The following SERPINE3 variants were observed in gnomAD, a reference collection of about 807,000 sequenced individuals.
SERPINE3 encodes serpin E3.
In SERPINE3, 43 loss-of-function variants were observed where a neutral mutation model predicts 41.7. That is an observed-to-expected ratio of 1.03 (90% confidence interval 0.81 to 1.33). SERPINE3 has a LOEUF of 1.33. SERPINE3 is among the 40% of genes most tolerant of loss of function. SERPINE3 has a pLI of 0.00. For synonymous variants in SERPINE3, 200 were observed against 192.2 expected (o/e 1.04, Z -0.34); for missense variants, 440 against 491.7 (o/e 0.89, Z 0.99).
chr13:51,344,550 A>T, intron 4 of SERPINE3, 65 bp downstream of exon 4: 1 of 1,328,680 alleles, frequency 7.5e-7, no homozygotes, highest in Non-Finnish European at 1.1e-6. Context: ...AGTCTCACCC[A>T]TCACTTGTCA....
intron 5 of SERPINE3, 99 bp downstream of exon 5, chr13:51,347,333 G>A (rs1238494435): frequency 1.9e-5 from 20 of 1,035,178 alleles, no homozygotes; most frequent in African/African-American, 4.8e-5. Context: ...GGATCGGGAT[G>A]TGTTTCCGCA....
At chr13:51,357,303 T>C (rs1955495150) in intron 7 of SERPINE3, among the ~76,000 whole-genome samples, 1 of 152,224 alleles carries the variant, frequency 6.6e-6, no homozygotes. Context: ...AATAGTTTCC[T>C]CATTCCTAAA....
chr13:51,341,033 C>T (rs1396573662), intron 2 of SERPINE3, 42 bp from the exon 3 acceptor site: 1 of 1,579,936 alleles, frequency 6.3e-7, no homozygotes, highest in Non-Finnish European at 8.6e-7. Context: ...CTTTCATCAC[C>T]AGCTTCCAGC....
intron 1 of SERPINE3, among the ~76,000 whole-genome samples, chr13:51,340,348 G>A (rs1955277561): frequency 6.6e-6 from 1 of 152,146 alleles, no homozygotes; most frequent in Non-Finnish European, 1.5e-5. Flanking sequence ...TACATTTCTG[G>A]GGTAGGAACT....
chr13:51,362,308 A>G, intron 9 of SERPINE3: 1 of 237,052 alleles, frequency 4.2e-6, no homozygotes, highest in Non-Finnish European at 8.0e-6. Flanking sequence ...TTGTGATCCT[A>G]GTATTCTAAT....
chr13:51,354,631 C>G (rs1424589351), intron 6 of SERPINE3, among the ~76,000 whole-genome samples: 1 of 151,484 alleles, frequency 6.6e-6, no homozygotes, highest in African/African-American at 2.4e-5. Context: ...ATTGGGATAG[C>G]CACTTTTCTC....
At chr13:51,350,502 T>C (rs1387400417) in intron 6 of SERPINE3, among the ~76,000 whole-genome samples, 2 of 152,176 alleles carry the variant, frequency 1.3e-5, no homozygotes, top group Non-Finnish European at 2.9e-5. Flanking sequence ...GTTTTGATAT[T>C]AGATATAATA....
intron 8 of SERPINE3, 188 bp downstream of exon 8, chr13:51,361,552 C>T (rs955772510): frequency 6.8e-6 from 4 of 584,752 alleles, no homozygotes; most frequent in Non-Finnish European, 1.2e-5. Flanking sequence ...AAGAGATATC[C>T]ATCCCATAAA....
At chr13:51,356,764 C>A (rs1955487877) in intron 7 of SERPINE3, among the ~76,000 whole-genome samples, 1 of 146,038 alleles carries the variant, frequency 6.8e-6, no homozygotes, top group Admixed American at 7.0e-5. Context: ...TTTAAAAGTA[C>A]CTTTTTTGAT....
At chr13:51,355,796 C>G (rs1955472243) in intron 7 of SERPINE3, among the ~76,000 whole-genome samples, 1 of 152,168 alleles carries the variant, frequency 6.6e-6, no homozygotes, top group African/African-American at 2.4e-5. Flanking sequence ...GTTCTACAAT[C>G]CTCTCAAGAC....
intron 7 of SERPINE3, among the ~76,000 whole-genome samples, chr13:51,358,335 G>A (rs1390422847): frequency 2.6e-5 from 4 of 152,254 alleles, no homozygotes; most frequent in South Asian, 2.1e-4. Context: ...CCTGATTTAT[G>A]AGAAGCTGAG....
chr13:51,352,071 A>T (rs968369613), intron 6 of SERPINE3, among the ~76,000 whole-genome samples: 4 of 152,022 alleles, frequency 2.6e-5, no homozygotes, highest in Admixed American at 2.0e-4. Flanking sequence ...TTCTTTTTCA[A>T]GATTGTTTTA....
In SERPINE3 at chr13:51,364,229, T is replaced by A. The variant is rs777464312; in HGVS notation, c.1172-10T>A. 186 of 1,402,938 alleles carry A rather than the reference T, an allele frequency of 1.3e-4. 1 individual carries two copies. In the South Asian group the frequency reaches 2.1e-3, roughly 16 times the overall value. 86.9% of individuals were successfully genotyped at this position (1,402,938 alleles called of 1,614,324 possible). A position where few individuals can be genotyped will look rare whatever the true frequency, so the allele number is the denominator to read the frequency against. On this transcript the variant is annotated splice_polypyrimidine_tract_variant and intron_variant, in intron 9 of 9. Coordinates refer to ENST00000681248, the MANE Select transcript of SERPINE3 (RefSeq NM_001386375.1). ...ACTATATAATATTAAATTCTTCTTT[T>A]TCTTGACAGGGTTTGTCTTCAGTAT... is the stretch of plus-strand genomic sequence containing the variant.
intron 4 of SERPINE3, among the ~76,000 whole-genome samples, chr13:51,345,724 C>T (rs1244310063): frequency 6.6e-6 from 1 of 151,634 alleles, no homozygotes; most frequent in Non-Finnish European, 1.5e-5. Flanking sequence ...TGATAAAGTT[C>T]TCTCTCATGC....
chr13:51,341,197 C>T lies in SERPINE3; in HGVS notation c.106C>T (p.His36Tyr), dbSNP rs754447843. 1.2e-6 allele frequency: 2 copies of T among 1,614,066 alleles called. No individual in the cohort carries two copies. The highest frequency in any genetic ancestry group is 2.2e-5 in the South Asian group (2 of 91,084). ...ATTGCTGAAGACTGAGTTTGCACTTCACCTCTACCAGAGTGTGGCCGCGTG... is the reference window on the plus strand; with the variant it reads ...ATTGCTGAAGACTGAGTTTGCACTTTACCTCTACCAGAGTGTGGCCGCGTG... ...MTLLKTEFAL[H>Y]LYQSVAACRN... Residue 36 changes from histidine (H) to tyrosine (Y), a missense_variant, in exon 3 of 10, where the codon CAC (histidine) becomes TAC (tyrosine). By Grantham distance (83) the His-to-Tyr change is moderately conservative (BLOSUM62 2). Coordinates refer to ENST00000681248, the MANE Select transcript of SERPINE3 (RefSeq NM_001386375.1).
chr13:51,361,664 C>G, intron 8 of SERPINE3, 146 bp from the exon 9 acceptor site: 1 of 679,800 alleles, frequency 1.5e-6, no homozygotes, highest in Non-Finnish European at 2.4e-6. Flanking sequence ...TTTAATTTTC[C>G]CATCTGCACC....
At chr13:51,352,025 A>C (rs1385950233) in intron 6 of SERPINE3, among the ~76,000 whole-genome samples, 1 of 152,118 alleles carries the variant, frequency 6.6e-6, no homozygotes, top group South Asian at 2.1e-4. Flanking sequence ...AGTACCACAC[A>C]GTCTTCATTA....
At chr13:51,347,760 C>G (rs79891478) in intron 5 of SERPINE3, among the ~76,000 whole-genome samples, 1,618 of 152,282 alleles carry the variant, frequency 0.011, 35 homozygotes, top group African/African-American at 0.036. Context: ...ATGAACCATC[C>G]CTTTGTCCAG....
chr13:51,356,720 A>G (rs920422358), intron 7 of SERPINE3, among the ~76,000 whole-genome samples: 3 of 152,042 alleles, frequency 2.0e-5, no homozygotes, highest in Non-Finnish European at 2.9e-5. Context: ...AAGGTCCACA[A>G]ACTCCTCTGG....
Sources: allele counts gnomAD v4.1 joint callset (sites outside exome capture counted in the v4.1 genomes callset), GRCh38; gene constraint gnomAD v4.1.1; transcripts MANE v1.5; gene names NCBI Gene and HGNC (gene_info 2026-07-23, HGNC 2026-07-21).